SAMD12: variants seen among roughly 807,000 people sequenced by gnomAD.
SAMD12 encodes the protein sterile alpha motif domain-containing protein 12.
Under a neutral mutation model 15.0 loss-of-function variants are expected in SAMD12, and 9 were observed. The ratio of observed to expected loss-of-function variants is 0.60; its 90% CI spans 0.36 to 1.05. The LOEUF is 1.05. Among genes scored for constraint, SAMD12 ranks in the 50% least tolerant of loss-of-function variants. The pLI is 0.01. For synonymous variants in SAMD12, 86 were observed against 90.1 expected, an observed-to-expected ratio of 0.96 and a Z score of 0.25; for missense variants, 230 against 234.2, an observed-to-expected ratio of 0.98 and a Z score of 0.12.
intron 3 of SAMD12, among the ~76,000 whole-genome samples, chr8:118,387,147 CT>C (rs977530689): frequency 2.0e-5 from 3 of 152,190 alleles, no homozygotes; most frequent in African/African-American, 7.2e-5. Context: ...CTAGCCCAAA[CT>C]TATGTTTCTC....
chr8:118,404,796 C>CT (rs372709065), intron 3 of SAMD12, among the ~76,000 whole-genome samples: 2 of 151,936 alleles, frequency 1.3e-5, no homozygotes, highest in South Asian at 4.2e-4. Context: ...AAGTCCATTA[C>CT]TTTTTTTTCT....
At chr8:118,598,048 T>C (rs1202925739) in intron 1 of SAMD12, among the ~76,000 whole-genome samples, 1 of 152,240 alleles carries the variant, frequency 6.6e-6, no homozygotes, top group Non-Finnish European at 1.5e-5. Flanking sequence ...CTCTCATATT[T>C]GTTTCCTTCT....
chr8:118,426,675 A>G (rs1373321111), intron 3 of SAMD12, among the ~76,000 whole-genome samples: 2 of 152,184 alleles, frequency 1.3e-5, no homozygotes, highest in South Asian at 2.1e-4. Context: ...TTGAATTTAG[A>G]GTATCGATGA....
chr8:118,475,059 T>C (rs1011361058), intron 2 of SAMD12, among the ~76,000 whole-genome samples: 5 of 152,022 alleles, frequency 3.3e-5, no homozygotes, highest in African/African-American at 4.8e-5. Flanking sequence ...GCCAACATGG[T>C]GAAACCCCAT....
the SAMD12 span, among the ~76,000 whole-genome samples, chr8:118,158,842 G>A: frequency 1.3e-5 from 2 of 152,182 alleles, no homozygotes; most frequent in East Asian, 1.9e-4. Context: ...TCTCCTCCCA[G>A]TTGAGAGCTG....
intron 2 of SAMD12, among the ~76,000 whole-genome samples, chr8:118,471,642 G>T (rs73315306): frequency 0.022 from 3,402 of 152,260 alleles, 120 homozygotes; most frequent in African/African-American, 0.078. Context: ...TGTTAAAAAA[G>T]AAAACTACAG....
At chr8:118,612,316 C>A (rs527910880) in intron 1 of SAMD12, among the ~76,000 whole-genome samples, 2 of 152,124 alleles carry the variant, frequency 1.3e-5, no homozygotes, top group Non-Finnish European at 2.9e-5. Context: ...CAAAACAGAA[C>A]ATGATGACAA....
chr8:118,583,814 T>C (rs1385285887), intron 1 of SAMD12, among the ~76,000 whole-genome samples: 2 of 152,196 alleles, frequency 1.3e-5, no homozygotes, highest in African/African-American at 2.4e-5. Context: ...AGTCCCCTGG[T>C]GCTTCATTTT....
intron 2 of SAMD12, among the ~76,000 whole-genome samples, chr8:118,553,420 A>C (rs1349215209): frequency 6.6e-6 from 1 of 152,154 alleles, no homozygotes; most frequent in Non-Finnish European, 1.5e-5. Context: ...TGAGAAAAAC[A>C]AGAAATGGGG....
At chr8:118,365,948 A>G (rs781476517) in intron 4 of SAMD12, among the ~76,000 whole-genome samples, 21 of 152,234 alleles carry the variant, frequency 1.4e-4, no homozygotes, top group African/African-American at 4.6e-4. Context: ...GACCCCATTC[A>G]TATCAGCCAC....
At chr8:118,529,782 TG>T (rs1246321846) in intron 2 of SAMD12, among the ~76,000 whole-genome samples, 2 of 152,224 alleles carry the variant, frequency 1.3e-5, no homozygotes, top group East Asian at 3.8e-4. Context: ...TGCGTGTGTC[TG>T]TGTGTGTACA....
At chr8:118,337,078 T>C (rs898722942) in intron 4 of SAMD12, among the ~76,000 whole-genome samples, 4 of 151,306 alleles carry the variant, frequency 2.6e-5, no homozygotes, top group Non-Finnish European at 5.9e-5. Context: ...AGTTAATGGG[T>C]GCAGCACACC....
At chr8:118,572,234 T>C (rs1361652990) in intron 2 of SAMD12, among the ~76,000 whole-genome samples, 1 of 152,254 alleles carries the variant, frequency 6.6e-6, no homozygotes, top group African/African-American at 2.4e-5. Context: ...TGGCTGTATT[T>C]ACCCAATGCC....
chr8:118,617,067 G>C (rs1328619357), intron 1 of SAMD12, among the ~76,000 whole-genome samples: 3 of 152,184 alleles, frequency 2.0e-5, no homozygotes, highest in Non-Finnish European at 4.4e-5. Context: ...TCCCTATGAC[G>C]GGTAAGTTCA....
At chr8:118,217,938 G>C (rs2129853066) in intron 4 of SAMD12, among the ~76,000 whole-genome samples, 1 of 152,228 alleles carries the variant, frequency 6.6e-6, no homozygotes, top group East Asian at 1.9e-4. Flanking sequence ...AATCCTGCCT[G>C]TTATTTGAGG....
chr8:118,288,311 ATTCAGG>A (rs1204223232), intron 4 of SAMD12: 1 of 152,148 alleles, frequency 6.6e-6, no homozygotes, highest in East Asian at 1.9e-4. Flanking sequence ...CTGGGGCCAA[ATTCAGG>A]TTCGCGTGGT....
chr8:118,388,724 AC>A, intron 3 of SAMD12, among the ~76,000 whole-genome samples: 1 of 152,124 alleles, frequency 6.6e-6, no homozygotes. Context: ...CGTTATGGCC[AC>A]TAAGAAGAAA....
chr8:118,434,511 T>TA (rs1822516009), intron 3 of SAMD12, among the ~76,000 whole-genome samples: 1 of 152,138 alleles, frequency 6.6e-6, no homozygotes, highest in African/African-American at 2.4e-5. Context: ...CCTTCACAGA[T>TA]AGAGGATTTG....
At chr8:118,476,884 T>C (rs969852084) in intron 2 of SAMD12, among the ~76,000 whole-genome samples, 3 of 152,190 alleles carry the variant, frequency 2.0e-5, no homozygotes, top group African/African-American at 7.2e-5. Context: ...TCTTGAGCAA[T>C]GCCCACTGTC....
Sources: gnomAD v4.1 joint callset for allele counts (sites outside exome capture counted in the v4.1 genomes callset) on GRCh38, gnomAD v4.1.1 for gene constraint, MANE v1.5 for transcripts, NCBI Gene and HGNC (gene_info 2026-07-23, HGNC 2026-07-21) for gene names.